The following ADGRA3 variants were observed in gnomAD, a reference collection of about 807,000 sequenced individuals.
ADGRA3 encodes the protein adhesion G protein-coupled receptor A3.
A neutral mutation model predicts 119.8 loss-of-function variants in ADGRA3; 56 were observed. The observed-to-expected ratio is 0.47, with a 90% CI of 0.38 to 0.58. ADGRA3 has a LOEUF of 0.58. ADGRA3 is among the 20% of genes least tolerant of loss of function. The pLI is 0.00. For synonymous variants in ADGRA3, 607 were observed against 623.8 expected (o/e 0.97, Z 0.40); for missense variants, 1,516 against 1,649.0 (o/e 0.92, Z 1.40).
rs59015584 is a variant in ADGRA3 at position 22,513,845 on chromosome 4, CAAAAA to C, written c.257+1678_257+1682del. 3.1e-3 allele frequency among the ~76,000 whole-genome samples: 96 copies of C among 31,474 alleles called. 1 individual carries two copies. The highest frequency in any genetic ancestry group is 0.026 in the Middle Eastern group (1 of 38). The allele number at this position is 31,474 out of a possible 152,430, so 20.6% of individuals were successfully genotyped here. ...TATTTTCATCTAAAAAGCTTTCAGG[CAAAAA>C]AAAAAAAAAAAAAAAAAAAAAAAAC... On this transcript the variant is annotated intron_variant, in intron 1 of 18. Transcript: ENST00000334304.
At chr4:22,411,619 A>G (rs1018470444) in intron 14 of ADGRA3, among the ~76,000 whole-genome samples, 10 of 152,156 alleles carry the variant, frequency 6.6e-5, no homozygotes, top group Admixed American at 6.5e-4. Context: ...AAAAATAAAT[A>G]TAAGTTGACT....
intron 11 of ADGRA3, among the ~76,000 whole-genome samples, chr4:22,423,910 T>C (rs1430800608): frequency 1.3e-5 from 2 of 152,218 alleles, no homozygotes; most frequent in African/African-American, 4.8e-5. Context: ...TATTTTCCAG[T>C]TCCCAAGAAA....
rs1264533545 is a variant in ADGRA3, at chr4:22,495,772, G to A, written c.257+19756C>T. 2.0e-5 allele frequency among the ~76,000 whole-genome samples: 3 copies of A among 152,222 alleles called. No homozygotes were observed. The East Asian group carries it at 5.8e-4, about 30-fold the overall frequency. ...AAATACAAAAAAATTAGCCGGGCGT[G>A]GTGGCCGGCACCTGTAGTCCCAGCT... On this transcript the variant is annotated intron_variant, in intron 1 of 18. Transcript: ENST00000334304.
intron 1 of ADGRA3, among the ~76,000 whole-genome samples, chr4:22,498,036 T>C (rs1010211615): frequency 3.4e-5 from 5 of 144,936 alleles, no homozygotes; most frequent in African/African-American, 1.0e-4. Flanking sequence ...GGGTCGGGAG[T>C]TCAAGACCAG....
rs1158483191 is a variant in ADGRA3 at position 22,483,906 on chromosome 4, T to C, written c.258-10063A>G. ...TTCATTCATGTGTCATAGAGAACTA[T>C]CATTCAAGCAGGTCACAACTGGTAA... On this transcript the variant is annotated intron_variant, in intron 1 of 18. Transcript: ENST00000334304. 2.6e-5 allele frequency among the ~76,000 whole-genome samples: 4 copies of C among 152,168 alleles called. No individual in the cohort carries two copies. The East Asian group carries it at 7.7e-4, about 29-fold the overall frequency.
chr4:22,468,281 C>T (rs1287705779), intron 2 of ADGRA3, among the ~76,000 whole-genome samples: 2 of 152,212 alleles, frequency 1.3e-5, no homozygotes, highest in East Asian at 1.9e-4. Context: ...CTAGGACAGA[C>T]TCTGTCAATA....
intron 12 of ADGRA3, among the ~76,000 whole-genome samples, chr4:22,416,429 G>T (rs1715433467): frequency 6.6e-6 from 1 of 152,086 alleles, no homozygotes; most frequent in Non-Finnish European, 1.5e-5. Context: ...AAAGGATTTG[G>T]GTTCCAGCCT....
intron 6 of ADGRA3, among the ~76,000 whole-genome samples, chr4:22,444,735 T>C (rs1318951026): frequency 2.0e-5 from 3 of 151,452 alleles, no homozygotes; most frequent in African/African-American, 2.4e-5. Context: ...TTGGTTTGCA[T>C]AAAGAAAGCT....
At chr4:22,400,105 C>T (rs4697297) in intron 16 of ADGRA3, among the ~76,000 whole-genome samples, 104,775 of 152,072 alleles carry the variant, frequency 0.69, 36,967 homozygotes, top group Non-Finnish European at 0.77. Context: ...CTCTGCTAAA[C>T]GTTCCTATTA....
chr4:22,438,423 G>A lies in ADGRA3; in HGVS notation c.921-3C>T. The stretch of plus-strand genomic sequence containing the variant: ...GAATATTAGAAATGGTTAGGGCACT[G>A]CATAAAGAAAGATTTTAAAAAGAGA... On this transcript the variant is annotated splice_region_variant and splice_polypyrimidine_tract_variant and intron_variant, in intron 7 of 18. Coordinates refer to ENST00000334304, the MANE Select transcript of ADGRA3 (RefSeq NM_145290.4). 1 of 1,607,870 alleles carries A rather than the reference G, an allele frequency of 6.2e-7. No individual in the cohort carries two copies. The highest frequency in any genetic ancestry group is 8.5e-7 in the Non-Finnish European group (1 of 1,177,270).
chr4:22,418,851 G>A (rs1184534546), intron 12 of ADGRA3, among the ~76,000 whole-genome samples: 1 of 152,132 alleles, frequency 6.6e-6, no homozygotes. Context: ...AGGTCTGGGT[G>A]GTGGTCCCAA....
intron 16 of ADGRA3, among the ~76,000 whole-genome samples, chr4:22,396,609 C>T (rs1714364949): frequency 6.6e-6 from 1 of 152,194 alleles, no homozygotes; most frequent in Admixed American, 6.5e-5. Context: ...CATTCTACCA[C>T]TCTGCTCTCG....
chr4:22,401,337 A>G, intron 16 of ADGRA3, 94 bp downstream of exon 16: 1 of 1,084,552 alleles, frequency 9.2e-7, no homozygotes, highest in Non-Finnish European at 1.3e-6. Context: ...GTTAAAGAAA[A>G]GGTATTAAAG....
intron 16 of ADGRA3, among the ~76,000 whole-genome samples, 194 bp downstream of exon 16, chr4:22,401,237 G>C (rs981835258): frequency 6.6e-6 from 1 of 152,156 alleles, no homozygotes; most frequent in African/African-American, 2.4e-5. Context: ...AGCTGTTTAA[G>C]TTATATATTC....
rs772243136 is a variant in ADGRA3, at chr4:22,447,423, A to G, written c.545+17T>C. On this transcript the variant is annotated intron_variant, in intron 5 of 18. Coordinates refer to ENST00000334304, the MANE Select transcript of ADGRA3 (RefSeq NM_145290.4). ...TGAAAATCAAAAAAAAAAAGAGAGA[A>G]AAAAATTCTTACTTACAAAGACCGT... The G allele has an allele frequency of 4.2e-6, 6 of 1,442,712 alleles. No individual in the cohort carries two copies. In the South Asian group the frequency reaches 5.4e-5, roughly 13 times the overall value. The allele number at this position is 1,442,712 out of a possible 1,614,324, so 89.4% of individuals were successfully genotyped here. A position where few individuals can be genotyped will look rare whatever the true frequency, so the allele number is the denominator to read the frequency against.
chr4:22,402,201 G>A (rs746274400), intron 15 of ADGRA3, among the ~76,000 whole-genome samples: 5 of 152,048 alleles, frequency 3.3e-5, no homozygotes, highest in African/African-American at 7.2e-5. Flanking sequence ...CTTTGCCTCC[G>A]ATTAACAAAC....
chr4:22,456,172 C>G (rs1201992894), intron 3 of ADGRA3, among the ~76,000 whole-genome samples: 1 of 152,094 alleles, frequency 6.6e-6, no homozygotes, highest in Non-Finnish European at 1.5e-5. Context: ...GAATCAGGTA[C>G]CTAACTCGTT....
intron 10 of ADGRA3, among the ~76,000 whole-genome samples, chr4:22,434,502 G>A (rs974729730): frequency 2.0e-5 from 3 of 152,034 alleles, no homozygotes; most frequent in Admixed American, 6.6e-5. Flanking sequence ...CTTTCCAGGC[G>A]TGCCCTAACC....
chr4:22,460,228 G>A lies in ADGRA3; in HGVS notation c.401+1509C>T, dbSNP rs1342794300. On this transcript the variant is annotated intron_variant, in intron 3 of 18. Transcript: ENST00000334304. ...AACCTGTTACAGCGCCTGTGTGTGC[G>A]TTCAGACGTATTTTCACTAACGACT... Among the ~76,000 whole-genome samples the A allele has an allele frequency of 5.3e-5, 8 of 152,150 alleles. No homozygotes were observed. The South Asian group carries it at 1.0e-3, about 20-fold the overall frequency.
Sources: gnomAD v4.1 joint callset for allele counts (sites outside exome capture counted in the v4.1 genomes callset) on GRCh38, gnomAD v4.1.1 for gene constraint, MANE v1.5 for transcripts, NCBI Gene and HGNC (gene_info 2026-07-23, HGNC 2026-07-21) for gene names.